Variants in TRIM36 observed in about 807,000 individuals in gnomAD.
TRIM36 encodes tripartite motif containing 36.
Under a neutral mutation model 72.4 loss-of-function variants are expected in TRIM36, and 42 were observed. That is an observed-to-expected ratio of 0.58 (90% confidence interval 0.45 to 0.75). The LOEUF is 0.75. Among genes scored for constraint, TRIM36 ranks in the 30% least tolerant of loss-of-function variants. TRIM36 has a pLI of 0.00. For synonymous variants in TRIM36, 315 were observed against 282.8 expected, an observed-to-expected ratio of 1.11 and a Z score of -1.14; for missense variants, 913 against 857.1, an observed-to-expected ratio of 1.07 and a Z score of -0.81.
intron 2 of TRIM36, chr5:115,148,880 C>G (rs1561433831): frequency 6.6e-6 from 1 of 152,116 alleles, no homozygotes; most frequent in Non-Finnish European, 1.5e-5. Flanking sequence ...ACAGCTACAT[C>G]AATATACCCT....
chr5:115,150,599 T>C (rs1036898310), intron 2 of TRIM36, among the ~76,000 whole-genome samples: 1 of 152,182 alleles, frequency 6.6e-6, no homozygotes, highest in Admixed American at 6.5e-5. Flanking sequence ...ATGCTAGCAC[T>C]GTGAAATTTT....
intron 8 of TRIM36, 59 bp downstream of exon 8, chr5:115,133,801 T>C: frequency 6.7e-7 from 1 of 1,499,480 alleles, no homozygotes. Context: ...ACTAGTTTAT[T>C]TTATCAAGGT....
intron 7 of TRIM36, among the ~76,000 whole-genome samples, chr5:115,134,828 C>G (rs1752882133): frequency 6.6e-6 from 1 of 152,216 alleles, no homozygotes; most frequent in South Asian, 2.1e-4. Context: ...GCATGAGCCA[C>G]TGTGCCCGGC....
At chr5:115,157,598 T>G (rs1754246715) in intron 2 of TRIM36, among the ~76,000 whole-genome samples, 1 of 152,092 alleles carries the variant, frequency 6.6e-6, no homozygotes, top group Non-Finnish European at 1.5e-5. Flanking sequence ...AACTACCATT[T>G]GATCCAGCAG....
At chr5:115,178,400 C>A (rs2126962820) in intron 1 of TRIM36, among the ~76,000 whole-genome samples, 1 of 152,322 alleles carries the variant, frequency 6.6e-6, no homozygotes, top group Admixed American at 6.5e-5. Context: ...CCTGGGCAGT[C>A]GGTGTCCTGC....
chr5:115,138,879 G>A (rs933849695), intron 5 of TRIM36, among the ~76,000 whole-genome samples: 23 of 152,046 alleles, frequency 1.5e-4, no homozygotes, highest in African/African-American at 4.8e-4. Context: ...GCAGTGGCGC[G>A]ATCTCGGCTC....
At chr5:115,159,181 C>T (rs1287220813) in intron 2 of TRIM36, among the ~76,000 whole-genome samples, 1 of 152,066 alleles carries the variant, frequency 6.6e-6, no homozygotes, top group Non-Finnish European at 1.5e-5. Flanking sequence ...AAAACATCAA[C>T]AAAGAAAAGA....
intron 8 of TRIM36, among the ~76,000 whole-genome samples, chr5:115,132,135 G>C (rs1752716824): frequency 6.6e-6 from 1 of 151,756 alleles, no homozygotes; most frequent in Non-Finnish European, 1.5e-5. Flanking sequence ...TCAGGAGTTT[G>C]AGGCCAGCAA....
intron 7 of TRIM36, among the ~76,000 whole-genome samples, chr5:115,135,780 T>C (rs1219242536): frequency 3.3e-5 from 5 of 152,196 alleles, no homozygotes; most frequent in African/African-American, 9.7e-5. Context: ...ATGACAAATA[T>C]CTATTTGAAA....
At chr5:115,178,117 A>G (rs568675231) in intron 1 of TRIM36, among the ~76,000 whole-genome samples, 2 of 152,158 alleles carry the variant, frequency 1.3e-5, no homozygotes, top group South Asian at 4.1e-4. Context: ...TGTTCTTCAC[A>G]TGCAAATCCC....
intron 9 of TRIM36, among the ~76,000 whole-genome samples, chr5:115,128,721 C>T (rs1471722985): frequency 2.6e-5 from 3 of 117,462 alleles, no homozygotes; most frequent in East Asian, 2.3e-4. Flanking sequence ...CACTGCAGTC[C>T]GCAGTCCGGC....
At chr5:115,141,196 C>T in intron 5 of TRIM36, 83 bp downstream of exon 5, 2 of 1,021,032 alleles carry the variant, frequency 2.0e-6, no homozygotes, top group South Asian at 3.0e-5. Flanking sequence ...TCATATAATA[C>T]TCTCAGGATT....
intron 1 of TRIM36, among the ~76,000 whole-genome samples, chr5:115,175,153 TAA>T (rs111847672): frequency 6.8e-6 from 1 of 146,492 alleles, no homozygotes; most frequent in Non-Finnish European, 1.5e-5. Context: ...GCACATATTC[TAA>T]AAAAAAAAAA....
At chr5:115,149,925 A>C (rs1292241356) in intron 2 of TRIM36, among the ~76,000 whole-genome samples, 1 of 150,074 alleles carries the variant, frequency 6.7e-6, no homozygotes, top group Non-Finnish European at 1.5e-5. Context: ...CGCCCGGCTA[A>C]TTTTTTGTAT....
At position 115,169,640 on chromosome 5, in the gene TRIM36, C is replaced by A. The variant is rs1286097884; in HGVS notation, c.-6G>T. ...TCTGAGCCATCGCCCTCCATGGCTGCCTTCTGCCAGGTGTCATCAGCGGCA... is the reference window on the plus strand; with the variant it reads ...TCTGAGCCATCGCCCTCCATGGCTGACTTCTGCCAGGTGTCATCAGCGGCA... On this transcript the variant is annotated 5_prime_UTR_variant, in exon 1 of 10. Transcript: ENST00000513154. The A allele has an allele frequency of 6.6e-7, 1 of 1,523,470 alleles. No individual in the cohort carries two copies. Among genetic ancestry groups the A allele is most frequent in the South Asian group, 1.2e-5 (1 of 81,376 alleles). 94.4% of individuals were successfully genotyped at this position (1,523,470 alleles called of 1,614,324 possible). A position where few individuals can be genotyped will look rare whatever the true frequency, so the allele number is the denominator to read the frequency against.
intron 2 of TRIM36, among the ~76,000 whole-genome samples, chr5:115,151,068 G>C (rs983924980): frequency 6.6e-6 from 1 of 152,230 alleles, no homozygotes; most frequent in African/African-American, 2.4e-5. Context: ...CCAGTGTGCA[G>C]ACTCCACAGG....
At chr5:115,170,072 C>A (rs1042766217), upstream of TRIM36, 7 of 749,882 alleles carry the variant, frequency 9.3e-6, no homozygotes, top group Non-Finnish European at 9.8e-6. Context: ...CGGGACTCGG[C>A]TGGGCGTGGG....
At chr5:115,136,090 T>C (rs1752950643) in intron 7 of TRIM36, among the ~76,000 whole-genome samples, 1 of 152,186 alleles carries the variant, frequency 6.6e-6, no homozygotes, top group African/African-American at 2.4e-5. Context: ...TGGACTGAAT[T>C]GCATCCTTCC....
chr5:115,149,938 T>C (rs1753801946), intron 2 of TRIM36, among the ~76,000 whole-genome samples: 2 of 152,004 alleles, frequency 1.3e-5, no homozygotes, highest in South Asian at 4.1e-4. Flanking sequence ...TTTTGTATTT[T>C]TTAGTAGAGA....
Sources: allele counts gnomAD v4.1 joint callset (sites outside exome capture counted in the v4.1 genomes callset), GRCh38; gene constraint gnomAD v4.1.1; transcripts MANE v1.5; gene names NCBI Gene and HGNC (gene_info 2026-07-23, HGNC 2026-07-21).